KLHL1: variants seen among roughly 807,000 people sequenced by gnomAD.
KLHL1 encodes kelch like family member 1.
KLHL1 carries 47 observed loss-of-function variants against 77.7 expected under a neutral mutation model. The ratio of observed to expected loss-of-function variants is 0.60; its 90% CI spans 0.48 to 0.77. The LOEUF is 0.77. Among genes scored for constraint, KLHL1 ranks in the 30% least tolerant of loss-of-function variants. The pLI, the probability that KLHL1 is intolerant of heterozygous loss-of-function variation, is 0.00. For synonymous variants in KLHL1, 360 were observed against 325.2 expected (o/e 1.11, Z -1.15); for missense variants, 925 against 910.8 (o/e 1.02, Z -0.20).
intron 7 of KLHL1, among the ~76,000 whole-genome samples, chr13:69,792,395 A>G (rs1010125853): frequency 6.6e-6 from 1 of 152,172 alleles, no homozygotes; most frequent in Non-Finnish European, 1.5e-5. Context: ...TATTTAAATA[A>G]AATCACAATT....
At chr13:69,739,550 GA>G (rs1348936971) in intron 8 of KLHL1, among the ~76,000 whole-genome samples, 1 of 152,148 alleles carries the variant, frequency 6.6e-6, no homozygotes, top group Admixed American at 6.5e-5. Flanking sequence ...AAGGATGGAG[GA>G]AAATTTATTG....
At chr13:69,867,096 G>T (rs560760551) in intron 5 of KLHL1, among the ~76,000 whole-genome samples, 21 of 152,204 alleles carry the variant, frequency 1.4e-4, no homozygotes, top group Middle Eastern at 3.4e-3. Flanking sequence ...TGTACAGTAG[G>T]AATGGATAGC....
intron 1 of KLHL1, among the ~76,000 whole-genome samples, chr13:70,077,236 C>G (rs1356075624): frequency 6.6e-6 from 1 of 151,800 alleles, no homozygotes; most frequent in Non-Finnish European, 1.5e-5. Context: ...GAAATGGGTA[C>G]AAAAGCAGTG....
chr13:69,967,291 G>A (rs1223247548), intron 2 of KLHL1, among the ~76,000 whole-genome samples: 1 of 152,096 alleles, frequency 6.6e-6, no homozygotes, highest in Non-Finnish European at 1.5e-5. Context: ...CATAAGTCAT[G>A]GGAGGAAGTA....
At chr13:69,750,539 CAT>C (rs1874431895) in intron 7 of KLHL1, among the ~76,000 whole-genome samples, 1 of 151,404 alleles carries the variant, frequency 6.6e-6, no homozygotes, top group Admixed American at 6.6e-5. Context: ...TATATATATG[CAT>C]AGTTTTCACA....
rs770433053 is a variant in KLHL1, at chr13:70,107,342, A to G, written c.358T>C (p.Phe120Leu). The part of the protein sequence containing the change: ...QGTQQPARTL[F>L]YVESLEEEVV... Reference sequence around the variant, plus strand: ...TCCTCCTCTAGTGACTCCACGTAGAAGAGAGTCCTGGCTGGCTGCTGAGTG... The same window carrying G: ...TCCTCCTCTAGTGACTCCACGTAGAGGAGAGTCCTGGCTGGCTGCTGAGTG... The change falls in exon 1 of 11, where the codon TTC (phenylalanine) becomes CTC (leucine). Residue 120 changes from phenylalanine to leucine, a missense_variant. Coordinates refer to ENST00000377844, the MANE Select transcript of KLHL1 (RefSeq NM_020866.3). 6.2e-7 allele frequency: 1 copy of G among 1,613,916 alleles called. No homozygotes were observed. The highest frequency in any genetic ancestry group is 8.5e-7 in the Non-Finnish European group (1 of 1,180,020).
rs35761520 is a variant in KLHL1, at chr13:69,903,630, CT to C, written c.1015-21136del. Among the ~76,000 whole-genome samples, 39 of 50,204 alleles carry C rather than the reference CT, an allele frequency of 7.8e-4. 1 individual carries two copies. The highest frequency in any genetic ancestry group is 3.6e-3 in the African/African-American group (37 of 10,392). The allele number at this position is 50,204 out of a possible 152,430, so 32.9% of individuals were successfully genotyped here. On this transcript the variant is annotated intron_variant, in intron 4 of 10. Transcript: ENST00000377844. ...TTTGCAGAAAACCCTTGTTCACATT[CT>C]TTTTTTTTTTTTTTTTTTTTTTTTT...
intron 6 of KLHL1, among the ~76,000 whole-genome samples, chr13:69,800,192 G>A (rs1341582874): frequency 3.9e-5 from 6 of 152,100 alleles, no homozygotes; most frequent in Admixed American, 2.6e-4. Flanking sequence ...ATTGACCCTT[G>A]TGATTACAAT....
At chr13:69,866,832 G>A (rs185665830) in intron 5 of KLHL1, among the ~76,000 whole-genome samples, 2 of 152,070 alleles carry the variant, frequency 1.3e-5, no homozygotes, top group Non-Finnish European at 2.9e-5. Flanking sequence ...GGTAATAAGA[G>A]GGCTTCGTAA....
At chr13:70,032,319 T>C (rs1886123355) in intron 1 of KLHL1, among the ~76,000 whole-genome samples, 1 of 152,164 alleles carries the variant, frequency 6.6e-6, no homozygotes, top group Non-Finnish European at 1.5e-5. Context: ...TGTTCTTCCT[T>C]CAGTATAAAG....
chr13:69,796,755 G>T lies in KLHL1; in HGVS notation c.1622C>A (p.Thr541Lys). 6.2e-7 allele frequency: 1 copy of T among 1,610,938 alleles called. No individual in the cohort carries two copies. Among genetic ancestry groups the T allele is most frequent in the Non-Finnish European group, 8.5e-7 (1 of 1,177,066 alleles). Reference protein sequence around the residue: ...KTWTVLPPMSTHRHGLGVTVL... With the variant: ...KTWTVLPPMSKHRHGLGVTVL... ...GATCTTACCTAGACCATGTCTGTGT[G>T]TTGACATTGGTGGTAAGACAGTCCA... Residue 541 changes from threonine (T) to lysine (K), a missense_variant, in exon 7 of 11, where the codon ACA becomes AAA. Coordinates refer to ENST00000377844, the MANE Select transcript of KLHL1 (RefSeq NM_020866.3).
chr13:69,934,976 A>G (rs1413100160), intron 4 of KLHL1, among the ~76,000 whole-genome samples: 1 of 134,960 alleles, frequency 7.4e-6, no homozygotes, highest in East Asian at 2.0e-4. Flanking sequence ...ATATATATAT[A>G]TATATATATA....
At position 70,060,756 on chromosome 13, in the gene KLHL1, G is replaced by A. The variant is rs1886861090; in HGVS notation, c.497+46447C>T. Among the ~76,000 whole-genome samples the A allele has an allele frequency of 2.0e-5, 3 of 152,066 alleles. No homozygotes were observed. The South Asian group carries it at 6.2e-4, about 32-fold the overall frequency. On this transcript the variant is annotated intron_variant, in intron 1 of 10. Transcript: ENST00000377844. ...AGCTACTTGGGAGGCTGAGGCAAGA[G>A]AATCACTTGAACCTGGGAGGCAGAG... is the stretch of plus-strand genomic sequence containing the variant.
chr13:70,019,471 T>C (rs948927644), intron 1 of KLHL1, among the ~76,000 whole-genome samples: 4 of 104,510 alleles, frequency 3.8e-5, no homozygotes, highest in African/African-American at 1.4e-4. Context: ...TATTTGCTGA[T>C]AGTGAGGGGC....
At chr13:69,803,778 A>T (rs1877494246) in intron 6 of KLHL1, among the ~76,000 whole-genome samples, 1 of 152,204 alleles carries the variant, frequency 6.6e-6, no homozygotes, top group Admixed American at 6.5e-5. Flanking sequence ...GAAGGAATGC[A>T]AGTGGTCTCT....
chr13:69,750,299 A>G (rs2137946668), intron 7 of KLHL1, among the ~76,000 whole-genome samples: 1 of 151,894 alleles, frequency 6.6e-6, no homozygotes, highest in East Asian at 1.9e-4. Context: ...GATTAGGGTG[A>G]CTGAATTCCA....
chr13:70,073,838 T>G (rs934089210), intron 1 of KLHL1, among the ~76,000 whole-genome samples: 2 of 151,926 alleles, frequency 1.3e-5, no homozygotes, highest in Non-Finnish European at 2.9e-5. Flanking sequence ...TTTTCTTTTT[T>G]TTTTGAGATG....
chr13:69,926,968 A>AAAAAAAAAC (rs1410910058), intron 4 of KLHL1, among the ~76,000 whole-genome samples: 1 of 149,958 alleles, frequency 6.7e-6, no homozygotes, highest in Non-Finnish European at 1.5e-5. Flanking sequence ...AAAAAAAAAA[A>AAAAAAAAAC]AAGCAGAGAA....
At chr13:70,017,836 T>C (rs908432543) in intron 1 of KLHL1, among the ~76,000 whole-genome samples, 1 of 152,224 alleles carries the variant, frequency 6.6e-6, no homozygotes, top group Non-Finnish European at 1.5e-5. Context: ...CTTGGAGTTC[T>C]TGCTGGATAG....
Sources: allele counts gnomAD v4.1 joint callset (sites outside exome capture counted in the v4.1 genomes callset), GRCh38; gene constraint gnomAD v4.1.1; transcripts MANE v1.5; gene names NCBI Gene and HGNC (gene_info 2026-07-23, HGNC 2026-07-21).